PEBP4: variants seen among roughly 807,000 people sequenced by gnomAD.
The protein encoded by PEBP4 is phosphatidylethanolamine-binding protein 4.
PEBP4 carries 22 observed loss-of-function variants against 23.9 expected under a neutral mutation model. That is an observed-to-expected ratio of 0.92 (90% CI 0.66 to 1.31). The LOEUF (loss-of-function observed/expected upper bound fraction) is 1.31. Among genes scored for constraint, PEBP4 ranks in the 40% most tolerant of loss-of-function variants. The pLI is 0.00. For synonymous variants in PEBP4, 112 were observed against 99.3 expected, an observed-to-expected ratio of 1.13 and a Z score of -0.76; for missense variants, 324 against 281.7, an observed-to-expected ratio of 1.15 and a Z score of -1.07.
intron 6 of PEBP4, among the ~76,000 whole-genome samples, chr8:22,721,912 C>G (rs1173793761): frequency 6.6e-6 from 1 of 152,166 alleles, no homozygotes; most frequent in East Asian, 1.9e-4. Context: ...CAACATCGTG[C>G]AAGGACCTGG....
chr8:22,842,888 C>T (rs554006707), intron 3 of PEBP4, among the ~76,000 whole-genome samples: 55 of 152,258 alleles, frequency 3.6e-4, no homozygotes, highest in Middle Eastern at 3.4e-3. Context: ...AGTGCAGTGG[C>T]GCTAACTCTG....
At chr8:22,760,981 T>C (rs1805496084) in intron 4 of PEBP4, among the ~76,000 whole-genome samples, 2 of 152,176 alleles carry the variant, frequency 1.3e-5, no homozygotes, top group Non-Finnish European at 2.9e-5. Context: ...CTCTTGCACC[T>C]TGTGACTCTG....
In PEBP4 at chr8:22,844,536, C is replaced by T. The variant is rs1216191659; in HGVS notation, c.259-26801G>A. On this transcript the variant is annotated intron_variant, in intron 3 of 6. Coordinates refer to ENST00000256404, the MANE Select transcript of PEBP4 (RefSeq NM_144962.3). ...TTACAGGTGTGAGCCACCCACCATG[C>T]CCAGCCGAAAATTTCAAGTATCTCA... is the stretch of plus-strand genomic sequence containing the variant. Among the ~76,000 whole-genome samples the T allele has an allele frequency of 2.0e-5, 3 of 152,192 alleles. No homozygotes were observed. The East Asian group carries it at 5.8e-4, about 29-fold the overall frequency.
intron 4 of PEBP4, among the ~76,000 whole-genome samples, chr8:22,743,865 A>G (rs1805053082): frequency 6.6e-6 from 1 of 152,114 alleles, no homozygotes; most frequent in African/African-American, 2.4e-5. Context: ...GACTCCGTGG[A>G]GGGTGGGGCT....
At position 22,760,409 on chromosome 8, in the gene PEBP4, A is replaced by G. The variant is rs145200215; in HGVS notation, c.358-33189T>C. On this transcript the variant is annotated intron_variant, in intron 4 of 6. Transcript: ENST00000256404. ...GGTAAACGCCTCACAAGCAGAGACC[A>G]TGACTTATTTATCTTTGCTGCCTTA... Among the ~76,000 whole-genome samples the G allele has an allele frequency of 1.1e-4, 16 of 152,338 alleles. No individual in the cohort carries two copies. The East Asian group carries it at 3.1e-3, about 29-fold the overall frequency.
chr8:22,858,354 C>T (rs193280835), intron 3 of PEBP4, among the ~76,000 whole-genome samples: 2 of 152,196 alleles, frequency 1.3e-5, no homozygotes, highest in African/African-American at 2.4e-5. Flanking sequence ...CACAGGTTAA[C>T]CCTTATCATC....
At chr8:22,728,543 C>CCTTCCTTT (rs1804663732) in intron 4 of PEBP4, among the ~76,000 whole-genome samples, 3 of 115,438 alleles carry the variant, frequency 2.6e-5, no homozygotes, top group African/African-American at 6.2e-5. Flanking sequence ...TTTCTTCCTT[C>CCTTCCTTT]CTTTCTTTCT....
At chr8:22,783,016 C>T (rs1010445241) in intron 4 of PEBP4, among the ~76,000 whole-genome samples, 2 of 152,220 alleles carry the variant, frequency 1.3e-5, no homozygotes, top group Non-Finnish European at 2.9e-5. Flanking sequence ...CTGCAGGTTC[C>T]ATCTCAGCCA....
At chr8:22,807,816 T>A (rs1806530889) in intron 4 of PEBP4, among the ~76,000 whole-genome samples, 1 of 151,954 alleles carries the variant, frequency 6.6e-6, no homozygotes, top group Non-Finnish European at 1.5e-5. Flanking sequence ...TATCCATCCA[T>A]CCATCTACCC....
In PEBP4 at chr8:22,825,526, G is replaced by A. The variant is rs903293685; in HGVS notation, c.259-7791C>T. 2.0e-5 allele frequency among the ~76,000 whole-genome samples: 3 copies of A among 152,232 alleles called. No homozygotes were observed. The South Asian group carries it at 6.2e-4, about 32-fold the overall frequency. On this transcript the variant is annotated intron_variant, in intron 3 of 6. Coordinates refer to ENST00000256404, the MANE Select transcript of PEBP4 (RefSeq NM_144962.3). ...AGTAAAATGCCAGCCTTTAATAGGT[G>A]CCCATGAATGCTTATTACACCATGG...
chr8:22,868,092 T>C (rs2457435), intron 3 of PEBP4, among the ~76,000 whole-genome samples: 142,814 of 152,238 alleles, frequency 0.94, 67,069 homozygotes, highest in East Asian at 0.98. Flanking sequence ...CTGCCCCAGA[T>C]GTTGGGGGTT....
rs765314506 is a variant in PEBP4, at chr8:22,713,471, A to C, written c.583T>G (p.Phe195Val). 1 of 1,614,100 alleles carries C rather than the reference A, an allele frequency of 6.2e-7. No individual in the cohort carries two copies. The highest frequency in any genetic ancestry group is 1.7e-5 in the Admixed American group (1 of 60,010). Residue 195 changes from phenylalanine (F) to valine (V), a missense_variant, in exon 7 of 7, where the codon TTC (phenylalanine) becomes GTC (valine). Coordinates refer to ENST00000256404, the MANE Select transcript of PEBP4 (RefSeq NM_144962.3). ...HLGEPEASTQ[F>V]MTQNYQDSPT... ...GAGTCCTGGTAGTTCTGGGTCATGA[A>C]CTGGGTGCTTGCTTCAGGTTCGCCC...
chr8:22,755,013 G>C (rs539238423), intron 4 of PEBP4, among the ~76,000 whole-genome samples: 3 of 152,316 alleles, frequency 2.0e-5, no homozygotes, highest in African/African-American at 7.2e-5. Context: ...TCTCCTGAGA[G>C]CCTGGGCTGG....
intron 3 of PEBP4, among the ~76,000 whole-genome samples, chr8:22,867,416 C>T (rs1288260620): frequency 6.6e-6 from 1 of 152,204 alleles, no homozygotes; most frequent in African/African-American, 2.4e-5. Flanking sequence ...AATAACCCCC[C>T]AGCCCTTGTG....
intron 3 of PEBP4, among the ~76,000 whole-genome samples, chr8:22,834,952 G>A (rs536552159): frequency 6.6e-6 from 1 of 152,256 alleles, no homozygotes; most frequent in South Asian, 2.1e-4. Context: ...CAACCCCTTA[G>A]TCTCCTATGA....
intron 3 of PEBP4, among the ~76,000 whole-genome samples, chr8:22,905,284 T>TTA (rs1491133265): frequency 1.8e-4 from 27 of 147,874 alleles, no homozygotes; most frequent in African/African-American, 6.7e-4. Flanking sequence ...CCTTTTTTTT[T>TTA]AAAAAAAAAA....
intron 3 of PEBP4, among the ~76,000 whole-genome samples, chr8:22,869,873 T>C (rs577644163): frequency 2.6e-5 from 4 of 152,210 alleles, no homozygotes; most frequent in Non-Finnish European, 5.9e-5. Flanking sequence ...ATACACCTAT[T>C]GGAATGGCCC....
intron 3 of PEBP4, among the ~76,000 whole-genome samples, chr8:22,875,238 T>C (rs1236878174): frequency 2.0e-5 from 3 of 152,088 alleles, no homozygotes; most frequent in Non-Finnish European, 2.9e-5. Flanking sequence ...CTCCTTCCTC[T>C]CTCTAATCTT....
intron 3 of PEBP4, chr8:22,887,116 G>GTA (rs1228170290): frequency 2.3e-5 from 3 of 128,670 alleles, no homozygotes; most frequent in Admixed American, 7.9e-5. Context: ...GTGTGTGTGT[G>GTA]TATGTGTGTG....
Sources: gnomAD v4.1 joint callset for allele counts (sites outside exome capture counted in the v4.1 genomes callset) on GRCh38, gnomAD v4.1.1 for gene constraint, MANE v1.5 for transcripts, NCBI Gene and HGNC (gene_info 2026-07-23, HGNC 2026-07-21) for gene names.